Variants in PDE7B observed in about 807,000 individuals in gnomAD.
The protein encoded by PDE7B is phosphodiesterase 7B.
PDE7B carries 29 observed loss-of-function variants against 56.2 expected under a neutral mutation model. The observed-to-expected ratio is 0.52, with a 90% CI of 0.38 to 0.70. The LOEUF is 0.70. PDE7B is among the 30% of genes least tolerant of loss of function. The pLI is 0.00. For synonymous variants in PDE7B, 197 were observed against 196.9 expected (o/e 1.00, Z 0.00); for missense variants, 490 against 565.0 (o/e 0.87, Z 1.35).
chr6:136,066,161 C>A (rs145525847), intron 2 of PDE7B, among the ~76,000 whole-genome samples: 2 of 152,224 alleles, frequency 1.3e-5, no homozygotes, highest in African/African-American at 4.8e-5. Context: ...GGCAATACAG[C>A]AATTCCTGTT....
At chr6:136,010,082 A>G (rs1162139892) in intron 2 of PDE7B, among the ~76,000 whole-genome samples, 3 of 152,176 alleles carry the variant, frequency 2.0e-5, no homozygotes, top group African/African-American at 7.2e-5. Context: ...GTGGGCATTT[A>G]GTGGTATGAA....
intron 2 of PDE7B, among the ~76,000 whole-genome samples, chr6:136,045,383 C>T (rs1776484836): frequency 1.3e-5 from 2 of 152,146 alleles, no homozygotes; most frequent in South Asian, 4.1e-4. Context: ...TCTTAAATTT[C>T]CTGAAATTAT....
At chr6:135,935,202 A>ATATTTATATT (rs1466265656) in intron 1 of PDE7B, among the ~76,000 whole-genome samples, 1 of 57,056 alleles carries the variant, frequency 1.8e-5, no homozygotes, top group Admixed American at 2.8e-4. Context: ...ATATATATAT[A>ATATTTATATT]TATATATATA....
rs535176318 is a variant in PDE7B, at chr6:136,193,049, A to C, written c.*1209A>C. 1 of 152,788 alleles carries C rather than the reference A, an allele frequency of 6.5e-6. No homozygotes were observed. The highest frequency in any genetic ancestry group is 2.1e-4 in the South Asian group (1 of 4,830). 9.5% of individuals were successfully genotyped at this position (152,788 alleles called of 1,614,324 possible). ...TGAGACCCTTCAACAAGCCTGAATCAGTCACTTTTCAACACAGCGATGTTT... is the reference window on the plus strand; with the variant it reads ...TGAGACCCTTCAACAAGCCTGAATCCGTCACTTTTCAACACAGCGATGTTT... On this transcript the variant is annotated 3_prime_UTR_variant, in exon 13 of 13. Coordinates refer to ENST00000308191, the MANE Select transcript of PDE7B (RefSeq NM_018945.4).
chr6:136,016,486 T>C (rs533777270), intron 2 of PDE7B, among the ~76,000 whole-genome samples: 31 of 152,348 alleles, frequency 2.0e-4, no homozygotes, highest in African/African-American at 7.0e-4. Flanking sequence ...GCTATTGTTG[T>C]ATCACACACC....
At chr6:135,909,186 C>T (rs527779356) in intron 1 of PDE7B, among the ~76,000 whole-genome samples, 67 of 152,032 alleles carry the variant, frequency 4.4e-4, no homozygotes, top group African/African-American at 1.0e-3. Context: ...AAAAAAAATT[C>T]GGAGTGGTCA....
intron 1 of PDE7B, among the ~76,000 whole-genome samples, chr6:135,900,385 C>A (rs1391120375): frequency 1.3e-5 from 2 of 152,036 alleles, no homozygotes; most frequent in Non-Finnish European, 2.9e-5. Context: ...TTGTCCTCAA[C>A]TCTTTGTCCT....
chr6:135,876,025 A>G (rs1306964806), intron 1 of PDE7B, among the ~76,000 whole-genome samples: 1 of 152,198 alleles, frequency 6.6e-6, no homozygotes, highest in Admixed American at 6.5e-5. Context: ...AGGACAGAGC[A>G]GAACGGGAAA....
At chr6:135,992,911 G>A (rs760978133) in intron 2 of PDE7B, 1 of 152,234 alleles carries the variant, frequency 6.6e-6, no homozygotes, top group Non-Finnish European at 1.5e-5. Flanking sequence ...CAACAGCCCT[G>A]TGAAGTAAGT....
intron 1 of PDE7B, among the ~76,000 whole-genome samples, chr6:135,890,577 C>T (rs1024789268): frequency 3.4e-4 from 52 of 152,260 alleles, no homozygotes; most frequent in African/African-American, 1.1e-3. Context: ...GAGAATACAT[C>T]ATAAACTCTC....
intron 9 of PDE7B, among the ~76,000 whole-genome samples, chr6:136,175,865 G>A (rs960269562): frequency 1.3e-5 from 2 of 152,014 alleles, no homozygotes; most frequent in Non-Finnish European, 2.9e-5. Context: ...CTTCTAAAAG[G>A]CTGTATCTAC....
At chr6:136,178,169 G>C (rs1779009410) in intron 9 of PDE7B, among the ~76,000 whole-genome samples, 1 of 152,176 alleles carries the variant, frequency 6.6e-6, no homozygotes, top group South Asian at 2.1e-4. Flanking sequence ...GGCTTGAAAG[G>C]AAAGGGGATG....
intron 3 of PDE7B, among the ~76,000 whole-genome samples, chr6:136,143,056 T>C (rs1000530648): frequency 6.6e-6 from 1 of 152,206 alleles, no homozygotes; most frequent in African/African-American, 2.4e-5. Flanking sequence ...CAATGATCTT[T>C]ACAATTTGGC....
intron 1 of PDE7B, among the ~76,000 whole-genome samples, chr6:135,853,115 AT>A (rs1376417759): frequency 6.6e-6 from 1 of 152,202 alleles, no homozygotes; most frequent in Non-Finnish European, 1.5e-5. Flanking sequence ...TCTCAAAGTT[AT>A]GCAATAGCAA....
In PDE7B at chr6:136,145,308, G is replaced by A. The variant is rs188801366; in HGVS notation, c.167-2043G>A. Among the ~76,000 whole-genome samples the A allele has an allele frequency of 2.9e-3, 437 of 152,152 alleles. 6 individuals carry two copies. Among genetic ancestry groups the A allele is most frequent in the African/African-American group, 9.9e-3 (412 of 41,528 alleles). Reference sequence around the variant, plus strand: ...CTCAAATTTCCCGTATTTTCTCAGAGAGATCCCTTGATGTTGTCACTTCTG... The same window carrying A: ...CTCAAATTTCCCGTATTTTCTCAGAAAGATCCCTTGATGTTGTCACTTCTG... On this transcript the variant is annotated intron_variant, in intron 3 of 12. Transcript: ENST00000308191.
intron 1 of PDE7B, among the ~76,000 whole-genome samples, chr6:135,886,825 C>A (rs1229540928): frequency 1.3e-5 from 2 of 152,188 alleles, no homozygotes; most frequent in Non-Finnish European, 2.9e-5. Flanking sequence ...CTGCTGTAAA[C>A]ATGCTCGTGC....
chr6:135,970,177 GATAA>G (rs1203574810), intron 2 of PDE7B, among the ~76,000 whole-genome samples: 1 of 152,128 alleles, frequency 6.6e-6, no homozygotes, highest in East Asian at 1.9e-4. Context: ...CATTGGTAGA[GATAA>G]ATAAAGTCAG....
chr6:136,146,141 G>A lies in PDE7B; in HGVS notation c.167-1210G>A, dbSNP rs3799390. Among the ~76,000 whole-genome samples the A allele has an allele frequency of 4.5e-4, 69 of 152,302 alleles. 1 individual carries two copies. The East Asian group carries it at 0.012, about 27-fold the overall frequency. On this transcript the variant is annotated intron_variant, in intron 3 of 12. Transcript: ENST00000308191. ...GTTTCCTCTGCCTCTGCCATCTGTT[G>A]TGATTTTTGAGTTCCACAGAGGAAA...
chr6:135,869,388 A>G (rs1434263110), intron 1 of PDE7B, among the ~76,000 whole-genome samples: 3 of 152,140 alleles, frequency 2.0e-5, no homozygotes, highest in African/African-American at 7.2e-5. Flanking sequence ...TCTCTAATAT[A>G]TGGATAAAAT....
Sources: gnomAD v4.1 joint callset for allele counts (sites outside exome capture counted in the v4.1 genomes callset) on GRCh38, gnomAD v4.1.1 for gene constraint, MANE v1.5 for transcripts, NCBI Gene and HGNC (gene_info 2026-07-23, HGNC 2026-07-21) for gene names.